PSD3: variants seen among roughly 807,000 people sequenced by gnomAD.
PSD3 encodes the protein pleckstrin and Sec7 domain containing 3.
Under a neutral mutation model 105.5 loss-of-function variants are expected in PSD3, and 49 were observed. The observed-to-expected ratio is 0.46, with a 90% CI of 0.37 to 0.59. PSD3 has a LOEUF of 0.59. PSD3 is among the 20% of genes least tolerant of loss of function. PSD3 has a pLI of 0.00. For synonymous variants in PSD3, 557 were observed against 457.8 expected, an observed-to-expected ratio of 1.22 and a Z score of -2.77; for missense variants, 1,561 against 1,263.8, an observed-to-expected ratio of 1.24 and a Z score of -3.57.
At chr8:18,762,785 C>G (rs79050552) in intron 9 of PSD3, 5,313 of 479,640 alleles carry the variant, frequency 0.011, 40 homozygotes, top group Non-Finnish European at 0.014. Context: ...AATTGAAGGA[C>G]TGTACACAAG....
At chr8:18,901,289 C>G (rs941702453) in intron 2 of PSD3, among the ~76,000 whole-genome samples, 4 of 152,128 alleles carry the variant, frequency 2.6e-5, no homozygotes, top group African/African-American at 7.2e-5. Flanking sequence ...TGGACCTGTG[C>G]AGGTCAAAAC....
At chr8:18,772,032 C>T (rs1243884354) in intron 8 of PSD3, among the ~76,000 whole-genome samples, 3 of 152,182 alleles carry the variant, frequency 2.0e-5, no homozygotes, top group Non-Finnish European at 4.4e-5. Context: ...CCTCAAGGTT[C>T]ATCCATGTTG....
At chr8:19,001,946 C>T (rs113327261) in intron 1 of PSD3, 4,994 of 174,138 alleles carry the variant, frequency 0.029, 150 homozygotes, top group Middle Eastern at 0.048. Flanking sequence ...GCCTTTGAGG[C>T]CGACTAACGG....
chr8:18,885,129 A>G (rs1048870778), intron 2 of PSD3, among the ~76,000 whole-genome samples: 4 of 152,022 alleles, frequency 2.6e-5, no homozygotes, highest in African/African-American at 9.7e-5. Context: ...TTTTATATCC[A>G]CATCTTGTGC....
rs1294318373 is a variant in PSD3, at chr8:18,917,138, C to T, written c.130+18896G>A. Among the ~76,000 whole-genome samples the T allele has an allele frequency of 4.6e-5, 7 of 152,248 alleles. No individual in the cohort carries two copies. The South Asian group carries it at 1.5e-3, about 32-fold the overall frequency. ...CAATGCCTTCACCTTCTTTTCTTCC[C>T]GTATCATATCAGTAACCAATATCAG... is the stretch of plus-strand genomic sequence containing the variant. On this transcript the variant is annotated intron_variant, in intron 2 of 15. Coordinates refer to ENST00000327040, the MANE Select transcript of PSD3 (RefSeq NM_015310.4).
rs367584558 is a variant in PSD3, at chr8:18,871,668, T to C, written c.1196A>G (p.Gln399Arg). 29 of 1,613,128 alleles carry C rather than the reference T, an allele frequency of 1.8e-5. No homozygotes were observed. Among genetic ancestry groups the C allele is most frequent in the Non-Finnish European group, 2.3e-5 (27 of 1,179,618 alleles). The change falls in exon 3 of 16, where the codon CAG becomes CGG. Residue 399 changes from glutamine (Q) to arginine (R), a missense_variant. Transcript: ENST00000327040. ...TGGTTTAGGTGTCTTCTCAAGATGC[T>C]GTTTGTTTTCCTGTAGGAAGACTTC... ...EDEVFLQENK[Q>R]HLEKTPKPER...
chr8:18,790,278 G>C (rs148131217), intron 8 of PSD3, among the ~76,000 whole-genome samples: 1 of 150,740 alleles, frequency 6.6e-6, no homozygotes, highest in East Asian at 1.9e-4. Flanking sequence ...ATCATTTTTA[G>C]ATCATAACAT....
At chr8:18,941,602 G>A (rs531409735) in intron 1 of PSD3, among the ~76,000 whole-genome samples, 1 of 150,590 alleles carries the variant, frequency 6.6e-6, no homozygotes, top group South Asian at 2.1e-4. Flanking sequence ...TATCCAACTC[G>A]CAACATTACC....
chr8:18,931,694 A>G (rs1380292570), intron 2 of PSD3, among the ~76,000 whole-genome samples: 1 of 152,102 alleles, frequency 6.6e-6, no homozygotes, highest in East Asian at 1.9e-4. Flanking sequence ...GGCAGCAGGG[A>G]GGCAATGTGA....
At chr8:18,755,953 G>T (rs899995842) in intron 9 of PSD3, among the ~76,000 whole-genome samples, 8 of 152,150 alleles carry the variant, frequency 5.3e-5, no homozygotes, top group African/African-American at 1.9e-4. Flanking sequence ...GGCAGAAGCG[G>T]AAACACGCCA....
At chr8:18,742,474 T>C (rs949082923) in intron 9 of PSD3, among the ~76,000 whole-genome samples, 2 of 152,218 alleles carry the variant, frequency 1.3e-5, no homozygotes, top group African/African-American at 2.4e-5. Flanking sequence ...AACAAACTGA[T>C]GTTATATCCA....
At chr8:18,958,333 T>A (rs1166536184) in intron 1 of PSD3, among the ~76,000 whole-genome samples, 1 of 152,172 alleles carries the variant, frequency 6.6e-6, no homozygotes. Flanking sequence ...GTTTCTGAGG[T>A]TAGAGAAAGG....
At chr8:18,884,630 A>T (rs1039818045) in intron 2 of PSD3, among the ~76,000 whole-genome samples, 3 of 102,978 alleles carry the variant, frequency 2.9e-5, no homozygotes, top group African/African-American at 5.5e-5. Flanking sequence ...GAAAAAAATA[A>T]AAAAAAACAG....
intron 13 of PSD3, among the ~76,000 whole-genome samples, 170 bp downstream of exon 13, chr8:18,574,958 A>AT (rs895919955): frequency 1.3e-5 from 2 of 150,450 alleles, no homozygotes; most frequent in African/African-American, 5.0e-5. Flanking sequence ...CTGGGTTTCT[A>AT]TTTTTTTTTA....
chr8:18,889,107 T>G (rs1181748619), intron 2 of PSD3, among the ~76,000 whole-genome samples: 1 of 152,182 alleles, frequency 6.6e-6, no homozygotes, highest in Admixed American at 6.5e-5. Flanking sequence ...ACACTTACTT[T>G]GACTAACCCC....
At chr8:18,777,978 T>G (rs1450484645) in intron 8 of PSD3, among the ~76,000 whole-genome samples, 1 of 152,244 alleles carries the variant, frequency 6.6e-6, no homozygotes, top group Non-Finnish European at 1.5e-5. Flanking sequence ...TGCCAAGATT[T>G]CATTTTAATG....
At chr8:18,665,514 C>T (rs113137494) in intron 9 of PSD3, among the ~76,000 whole-genome samples, 4,775 of 152,172 alleles carry the variant, frequency 0.031, 137 homozygotes, top group Admixed American at 0.1. Flanking sequence ...AAACTACCCC[C>T]GGTGAAGATG....
At chr8:18,852,591 C>T (rs1045898212) in intron 4 of PSD3, among the ~76,000 whole-genome samples, 6 of 152,180 alleles carry the variant, frequency 3.9e-5, no homozygotes. Context: ...GATGGACCTG[C>T]GGTAATCTAC....
At chr8:18,959,759 C>T (rs967940374) in intron 1 of PSD3, among the ~76,000 whole-genome samples, 8 of 152,166 alleles carry the variant, frequency 5.3e-5, no homozygotes, top group Non-Finnish European at 2.9e-5. Flanking sequence ...TAGACAAACT[C>T]AAGCCACGCC....
Sources: allele counts gnomAD v4.1 joint callset (sites outside exome capture counted in the v4.1 genomes callset), GRCh38; gene constraint gnomAD v4.1.1; transcripts MANE v1.5; gene names NCBI Gene and HGNC (gene_info 2026-07-23, HGNC 2026-07-21).